The following MTSS1 variants were observed in gnomAD, a reference collection of about 807,000 sequenced individuals.
The protein encoded by MTSS1 is protein MTSS 1.
A neutral mutation model predicts 79.0 loss-of-function variants in MTSS1; 18 were observed. The observed-to-expected ratio is 0.23, with a 90% CI of 0.16 to 0.34. The LOEUF (loss-of-function observed/expected upper bound fraction) is 0.34. MTSS1 is among the 10% of genes least tolerant of loss of function. The pLI, the probability that MTSS1 is intolerant of heterozygous loss-of-function variation, is 1.00. For synonymous variants in MTSS1, 341 were observed against 368.6 expected (o/e 0.93, Z 0.86); for missense variants, 815 against 986.2 (o/e 0.83, Z 2.33).
chr8:124,610,146 C>A (rs778578888), intron 3 of MTSS1, among the ~76,000 whole-genome samples: 3 of 152,192 alleles, frequency 2.0e-5, no homozygotes, highest in Non-Finnish European at 4.4e-5. Flanking sequence ...TATATGAGCA[C>A]CTACTATGTG....
intron 3 of MTSS1, among the ~76,000 whole-genome samples, chr8:124,609,215 G>A (rs1835353317): frequency 6.6e-6 from 1 of 152,216 alleles, no homozygotes; most frequent in African/African-American, 2.4e-5. Context: ...CACAGGGTCT[G>A]CTGCTGGGAC....
chr8:124,554,664 ACT>A (rs1011122475), intron 13 of MTSS1, among the ~76,000 whole-genome samples: 2 of 152,092 alleles, frequency 1.3e-5, no homozygotes, highest in African/African-American at 4.8e-5. Context: ...TGGGCATTAC[ACT>A]CTAACACACT....
At chr8:124,608,492 G>T (rs140367251) in intron 3 of MTSS1, among the ~76,000 whole-genome samples, 7 of 152,324 alleles carry the variant, frequency 4.6e-5, no homozygotes, top group African/African-American at 1.4e-4. Context: ...AACCAGTAGG[G>T]TCTGGTTTAT....
At chr8:124,642,818 C>G (rs1007259345) in intron 3 of MTSS1, among the ~76,000 whole-genome samples, 2 of 152,172 alleles carry the variant, frequency 1.3e-5, no homozygotes, top group African/African-American at 4.8e-5. Flanking sequence ...GTCTCGAACT[C>G]CTGACCTCAG....
Position 124,619,672 on chromosome 8 carries a change from C to CT in MTSS1, c.209-28438dup, listed in dbSNP as rs11367869. ...AATAGATCTGGTTAATCTTTTCAGACTTTTTTTTTTAAAGGTTTTCTGCAA... is the reference window on the plus strand; with the variant it reads ...AATAGATCTGGTTAATCTTTTCAGACTTTTTTTTTTTAAAGGTTTTCTGCAA... On this transcript the variant is annotated intron_variant, in intron 3 of 13. Coordinates refer to ENST00000518547, the MANE Select transcript of MTSS1 (RefSeq NM_014751.6). 4.1e-3 allele frequency among the ~76,000 whole-genome samples: 614 copies of CT among 150,474 alleles called. 3 individuals are homozygous for CT. Among genetic ancestry groups the CT allele is most frequent in the Admixed American group, 8.2e-3 (124 of 15,054 alleles).
intron 3 of MTSS1, among the ~76,000 whole-genome samples, chr8:124,640,889 G>C (rs567899656): frequency 4.6e-5 from 7 of 152,140 alleles, no homozygotes; most frequent in African/African-American, 1.7e-4. Context: ...TATTTATACT[G>C]ATTGTCTCAA....
At chr8:124,641,176 C>T (rs907645547) in intron 3 of MTSS1, among the ~76,000 whole-genome samples, 6 of 152,132 alleles carry the variant, frequency 3.9e-5, no homozygotes, top group African/African-American at 9.7e-5. Flanking sequence ...CCCCCAGTGC[C>T]CTGATGGGTC....
intron 3 of MTSS1, among the ~76,000 whole-genome samples, chr8:124,628,994 T>C (rs1448452082): frequency 6.6e-6 from 1 of 151,942 alleles, no homozygotes; most frequent in East Asian, 1.9e-4. Flanking sequence ...CCCAAGAGGG[T>C]CCTTGGGGCA....
At chr8:124,617,330 G>A (rs1402562506) in intron 3 of MTSS1, among the ~76,000 whole-genome samples, 1 of 152,158 alleles carries the variant, frequency 6.6e-6, no homozygotes, top group African/African-American at 2.4e-5. Context: ...AGCCCGCTGG[G>A]TCCCAGGGGG....
At chr8:124,578,114 C>T (rs1276389901) in intron 6 of MTSS1, among the ~76,000 whole-genome samples, 2 of 152,082 alleles carry the variant, frequency 1.3e-5, no homozygotes, top group Non-Finnish European at 2.9e-5. Flanking sequence ...TGATCAGAAT[C>T]GAGGCCCAGT....
chr8:124,631,366 C>T (rs1391632277), intron 3 of MTSS1, among the ~76,000 whole-genome samples: 1 of 152,176 alleles, frequency 6.6e-6, no homozygotes, highest in Non-Finnish European at 1.5e-5. Context: ...AAGACATGAG[C>T]CCTTCTGGAC....
At chr8:124,590,921 C>T (rs995330001) in intron 4 of MTSS1, among the ~76,000 whole-genome samples, 1 of 152,268 alleles carries the variant, frequency 6.6e-6, no homozygotes, top group African/African-American at 2.4e-5. Flanking sequence ...GAGACCCATG[C>T]AGGAGCACAG....
intron 3 of MTSS1, among the ~76,000 whole-genome samples, chr8:124,653,976 G>T (rs556436712): frequency 2.0e-5 from 3 of 152,276 alleles, no homozygotes; most frequent in African/African-American, 7.2e-5. Context: ...GCAGGAAAAG[G>T]CCTCCTTCCT....
intron 13 of MTSS1, among the ~76,000 whole-genome samples, chr8:124,554,588 T>G (rs1446300933): frequency 2.6e-5 from 4 of 152,346 alleles, no homozygotes; most frequent in African/African-American, 7.2e-5. Context: ...GACTTGTGTG[T>G]GCAGTGGACT....
chr8:124,681,836 A>G lies in MTSS1; in HGVS notation c.208+17690T>C, dbSNP rs997165188. On this transcript the variant is annotated intron_variant, in intron 3 of 13. Transcript: ENST00000518547. ...AAAACTGCTTTCTATAAAGATTACT[A>G]TAATTGATAGGAAGCCCAGAGCATA... Among the ~76,000 whole-genome samples the G allele has an allele frequency of 1.1e-4, 16 of 152,342 alleles. No individual in the cohort carries two copies. In the East Asian group the frequency reaches 1.2e-3, roughly 11 times the overall value.
At chr8:124,601,712 C>A (rs567053984) in intron 3 of MTSS1, among the ~76,000 whole-genome samples, 1 of 152,144 alleles carries the variant, frequency 6.6e-6, no homozygotes, top group East Asian at 1.9e-4. Flanking sequence ...CTGGCTGGAC[C>A]GAGCAGGGCA....
intron 3 of MTSS1, among the ~76,000 whole-genome samples, chr8:124,671,287 T>G (rs79197924): frequency 0.02 from 3,116 of 152,138 alleles, 108 homozygotes; most frequent in African/African-American, 0.071. Context: ...TTTCTCCCAT[T>G]GCTTCTACCC....
In MTSS1 at chr8:124,688,275, GTA is replaced by G. The variant is rs558158940; in HGVS notation, c.208+11249_208+11250del. Reference sequence around the variant, plus strand: ...TGTGTGTGTGCATGTGTATGTGTGTGTATATATGTGTGTACGTGTATGTTGTG... The same window carrying G: ...TGTGTGTGTGCATGTGTATGTGTGTGTATATGTGTGTACGTGTATGTTGTG... On this transcript the variant is annotated intron_variant, in intron 3 of 13. Transcript: ENST00000518547. Among the ~76,000 whole-genome samples, 74 of 151,886 alleles carry G rather than the reference GTA, an allele frequency of 4.9e-4. 2 individuals carry two copies. The highest frequency in any genetic ancestry group is 1.3e-3 in the African/African-American group (55 of 41,400).
intron 3 of MTSS1, among the ~76,000 whole-genome samples, chr8:124,694,474 T>C (rs1327094023): frequency 6.6e-6 from 1 of 151,966 alleles, no homozygotes; most frequent in Non-Finnish European, 1.5e-5. Flanking sequence ...ATCTTTAATG[T>C]CCAGAATCTT....
Sources: gnomAD v4.1 joint callset for allele counts (sites outside exome capture counted in the v4.1 genomes callset) on GRCh38, gnomAD v4.1.1 for gene constraint, MANE v1.5 for transcripts, NCBI Gene and HGNC (gene_info 2026-07-23, HGNC 2026-07-21) for gene names.